The following RNF32 variants were observed in gnomAD, a reference collection of about 807,000 sequenced individuals.
The protein encoded by RNF32 is ring finger protein 32.
In RNF32, 36 loss-of-function variants were observed where a neutral mutation model predicts 41.0. The ratio of observed to expected loss-of-function variants is 0.88; its 90% CI spans 0.67 to 1.16. RNF32 has a LOEUF of 1.16. Ranked by LOEUF, RNF32 falls within the 50% of genes most tolerant of loss-of-function variation. The probability of loss-of-function intolerance (pLI) is 0.00; values close to 1 mark genes in which losing one functional copy is unlikely to be tolerated. For synonymous variants in RNF32, 154 were observed against 160.9 expected (o/e 0.96, Z 0.32); for missense variants, 413 against 436.7 (o/e 0.95, Z 0.48).
chr7:156,670,031 A>G lies in RNF32; in HGVS notation c.685-5665A>G, dbSNP rs1802131333. 6.6e-6 allele frequency among the ~76,000 whole-genome samples: 1 copy of G among 152,218 alleles called. No individual in the cohort carries two copies. The highest frequency in any genetic ancestry group is 1.5e-5 in the Non-Finnish European group (1 of 68,026). ...TGGCCTCTCTCTCCAGTGGTCATGTAGTTTTTTTTATTTGCTGTTTATTTA... is the reference window on the plus strand; with the variant it reads ...TGGCCTCTCTCTCCAGTGGTCATGTGGTTTTTTTTATTTGCTGTTTATTTA... On this transcript the variant is annotated intron_variant, in intron 7 of 8. Transcript: ENST00000317955. The surrounding 1 kb of genome is among the most constrained non-coding windows in gnomAD (Gnocchi z 4.3).
At chr7:156,660,884 TAC>T (rs1800548567) in intron 7 of RNF32, among the ~76,000 whole-genome samples, 1 of 152,224 alleles carries the variant, frequency 6.6e-6, no homozygotes, top group African/African-American at 2.4e-5. Context: ...CATCAGTCAG[TAC>T]ATGGAAGTTA....
chr7:156,640,483 C>G (rs989421359), upstream of RNF32: 1 of 354,408 alleles, frequency 2.8e-6, no homozygotes, highest in South Asian at 2.0e-5. Flanking sequence ...CCGAACACCC[C>G]CGCCAGGCGA....
At chr7:156,650,612 G>T (rs987482211) in intron 3 of RNF32, among the ~76,000 whole-genome samples, 1 of 152,210 alleles carries the variant, frequency 6.6e-6, no homozygotes, top group Non-Finnish European at 1.5e-5. Flanking sequence ...ATAAGGCCAG[G>T]TTTGCATGAT....
chr7:156,672,376 G>C (rs929049099), intron 7 of RNF32, among the ~76,000 whole-genome samples: 1 of 152,132 alleles, frequency 6.6e-6, no homozygotes, highest in African/African-American at 2.4e-5. Context: ...ACTAATAAAG[G>C]AGATAGGACC....
chr7:156,672,888 G>T (rs1802872609), intron 7 of RNF32, among the ~76,000 whole-genome samples: 1 of 152,218 alleles, frequency 6.6e-6, no homozygotes, highest in African/African-American at 2.4e-5. Context: ...AATGTGATCG[G>T]TAACTTCTAT....
chr7:156,659,966 G>C, intron 7 of RNF32: 1 of 985,502 alleles, frequency 1.0e-6, no homozygotes, highest in Non-Finnish European at 1.2e-6. Flanking sequence ...CTCCCACAGA[G>C]AGATGGAACT....
chr7:156,661,142 C>G (rs377522976), intron 7 of RNF32, among the ~76,000 whole-genome samples: 1 of 152,210 alleles, frequency 6.6e-6, no homozygotes, highest in African/African-American at 2.4e-5. Context: ...CTGCCTCAGA[C>G]TGCCGTCAGC....
Position 156,657,393 on chromosome 7 carries a change from CAAT to C in RNF32, c.418-145_418-143del. 3 of 734,664 alleles carry C rather than the reference CAAT, an allele frequency of 4.1e-6. No individual in the cohort carries two copies. In the South Asian group the frequency reaches 4.9e-5, roughly 12 times the overall value. 45.5% of individuals were successfully genotyped at this position (734,664 alleles called of 1,614,324 possible). On this transcript the variant is annotated intron_variant, in intron 4 of 8. Transcript: ENST00000317955. ...ATATACTTGTGCTGTGCTAAACAAA[CAAT>C]AAATAGTATAAATATCAAAGTTATT...
At position 156,658,239 on chromosome 7, in the gene RNF32, A is replaced by G; in HGVS notation, c.562A>G (p.Lys188Glu). The G allele has an allele frequency of 6.2e-7, 1 of 1,614,152 alleles. No individual in the cohort carries two copies. The highest frequency in any genetic ancestry group is 8.5e-7 in the Non-Finnish European group (1 of 1,180,024). ...CGATGGGGCCCGCCTGTTCAGAATC[A>G]AGTGTGTGACCAGGTGAGGACGCCA... ...IHDGARLFRI[K>E]CVTRIQAYWR... Residue 188 changes from lysine to glutamate, a missense_variant, in exon 6 of 9, where the codon AAG (lysine) becomes GAG (glutamate). Lys to Glu is a moderately conservative substitution (Grantham distance 56). Coordinates refer to ENST00000317955, the MANE Select transcript of RNF32 (RefSeq NM_030936.4).
At chr7:156,666,761 A>G (rs888970594) in intron 7 of RNF32, among the ~76,000 whole-genome samples, 1 of 152,236 alleles carries the variant, frequency 6.6e-6, no homozygotes, top group Non-Finnish European at 1.5e-5. Flanking sequence ...GTGTACAGAA[A>G]GTCCACAGTG....
chr7:156,644,545 TACA>T lies in RNF32; in HGVS notation c.64_66del (p.Gln22del). On this transcript the variant is annotated inframe_deletion, in exon 3 of 9. Coordinates refer to ENST00000317955, the MANE Select transcript of RNF32 (RefSeq NM_030936.4). ...AACTTGGCAGTCAATGCAGTTGCTT[TACA>T]AGATCACATTTTACATGATCTTCAA... 6.2e-7 allele frequency: 1 copy of T among 1,612,464 alleles called. No individual in the cohort carries two copies. The highest frequency in any genetic ancestry group is 8.5e-7 in the Non-Finnish European group (1 of 1,179,340).
intron 3 of RNF32, chr7:156,646,449 A>AT: frequency 1.5e-6 from 2 of 1,303,610 alleles, no homozygotes; most frequent in South Asian, 2.5e-5. Flanking sequence ...TCCTCTTCTT[A>AT]TAAGGATACC....
chr7:156,651,991 C>T (rs1281125791), intron 3 of RNF32, among the ~76,000 whole-genome samples: 2 of 152,196 alleles, frequency 1.3e-5, no homozygotes, highest in Admixed American at 1.3e-4. Context: ...CCCTGGACCT[C>T]ATGGCGGCCT....
chr7:156,675,741 A>G lies in RNF32; in HGVS notation c.730A>G (p.Ile244Val). 1 of 1,613,784 alleles carries G rather than the reference A, an allele frequency of 6.2e-7. No homozygotes were observed. Among genetic ancestry groups the G allele is most frequent in the South Asian group, 1.1e-5 (1 of 91,054 alleles). Residue 244 changes from isoleucine (I) to valine (V), a missense_variant, in exon 8 of 9, where the codon ATT (isoleucine) becomes GTT (valine). Coordinates refer to ENST00000317955, the MANE Select transcript of RNF32 (RefSeq NM_030936.4). ...HRILCSYNTN[I>V]EELFAEIDQC... ...CATCCTGTGCTCATACAACACCAAC[A>G]TTGAAGAGCTCTTTGCAGAAATCGA... is the stretch of plus-strand genomic sequence containing the variant.
At chr7:156,646,390 C>T (rs1445650611) in intron 3 of RNF32, 10 of 1,300,470 alleles carry the variant, frequency 7.7e-6, no homozygotes, top group South Asian at 1.2e-5. Flanking sequence ...CAATCTCTGC[C>T]TCTGACTTCA....
chr7:156,661,147 G>A (rs1166619764), intron 7 of RNF32, among the ~76,000 whole-genome samples: 4 of 152,130 alleles, frequency 2.6e-5, no homozygotes, highest in South Asian at 2.1e-4. Context: ...TCAGACTGCC[G>A]TCAGCCTTAT....
intron 6 of RNF32, 41 bp from the exon 7 acceptor site, chr7:156,658,421 A>G: frequency 1.9e-6 from 3 of 1,542,474 alleles, no homozygotes; most frequent in Non-Finnish European, 2.7e-6. Flanking sequence ...GTTGACATAG[A>G]GTCATCATAA....
intron 7 of RNF32, chr7:156,660,295 G>A: frequency 4.1e-6 from 4 of 983,912 alleles, no homozygotes; most frequent in Non-Finnish European, 4.8e-6. Flanking sequence ...TCTATTGTAT[G>A]TTTAAACAAC....
At chr7:156,674,346 A>G (rs1166509355) in intron 7 of RNF32, among the ~76,000 whole-genome samples, 2 of 152,192 alleles carry the variant, frequency 1.3e-5, no homozygotes, top group Non-Finnish European at 2.9e-5. Flanking sequence ...GGCATGGGGG[A>G]ATGGGAAATG....
Sources: allele counts gnomAD v4.1 joint callset (sites outside exome capture counted in the v4.1 genomes callset), GRCh38; gene constraint gnomAD v4.1.1; non-coding constraint Gnocchi (gnomAD v3.1); transcripts MANE v1.5; gene names NCBI Gene and HGNC (gene_info 2026-07-23, HGNC 2026-07-21).